Variants in RBFOX1 observed in about 807,000 individuals in gnomAD.
The protein encoded by RBFOX1 is RNA binding protein fox-1 homolog 1.
Under a neutral mutation model 57.7 loss-of-function variants are expected in RBFOX1, and 8 were observed. That is an observed-to-expected ratio of 0.14 (90% CI 0.08 to 0.25). The LOEUF (loss-of-function observed/expected upper bound fraction) is 0.25, where lower values mean the gene tolerates loss of function less well. Among genes scored for constraint, RBFOX1 ranks in the 10% least tolerant of loss-of-function variants. The probability of loss-of-function intolerance (pLI) is 1.00; values close to 1 mark genes in which losing one functional copy is unlikely to be tolerated. For synonymous variants in RBFOX1, 326 were observed against 222.4 expected (o/e 1.47, Z -4.15); for missense variants, 611 against 548.5 (o/e 1.11, Z -1.14).
chr16:7,501,931 T>C (rs1336572606), intron 4 of RBFOX1, among the ~76,000 whole-genome samples: 1 of 152,124 alleles, frequency 6.6e-6, no homozygotes, highest in Non-Finnish European at 1.5e-5. Flanking sequence ...CCCCCAAACA[T>C]AGCACAGTCC....
At chr16:7,516,230 A>G (rs769706790) in intron 4 of RBFOX1, among the ~76,000 whole-genome samples, 3 of 152,058 alleles carry the variant, frequency 2.0e-5, no homozygotes, top group Admixed American at 2.0e-4. Flanking sequence ...CCCCAAAACT[A>G]CAGCAAAATC....
At chr16:5,757,257 G>A (rs757516714) in intron 3 of RBFOX1, among the ~76,000 whole-genome samples, 1 of 147,504 alleles carries the variant, frequency 6.8e-6, no homozygotes, top group Non-Finnish European at 1.5e-5. Context: ...TTTGGAGATG[G>A]AGTGTCACTC....
intron 3 of RBFOX1, among the ~76,000 whole-genome samples, chr16:6,939,761 C>T (rs1317864447): frequency 3.9e-5 from 6 of 152,174 alleles, no homozygotes; most frequent in South Asian, 2.1e-4. Flanking sequence ...ATCAGCCTGC[C>T]TTGGCCTACC....
Position 6,621,800 on chromosome 16 carries a change from A to G in RBFOX1, c.-63-32803A>G, listed in dbSNP as rs933337065. ...GAAGGACATGTGGCAACCCCAGATA[A>G]AGAACATACCATTTAAAGACCACAC... On this transcript the variant is annotated intron_variant, in intron 2 of 15. Transcript: ENST00000550418. Among the ~76,000 whole-genome samples the G allele has an allele frequency of 2.0e-5, 3 of 152,296 alleles. No individual in the cohort carries two copies. The South Asian group carries it at 6.2e-4, about 32-fold the overall frequency.
rs377125909 is a variant in RBFOX1, at chr16:7,574,242, T to C, written c.271-5535T>C. 2.0e-5 allele frequency among the ~76,000 whole-genome samples: 3 copies of C among 152,254 alleles called. No individual in the cohort carries two copies. In the East Asian group the frequency reaches 5.8e-4, roughly 29 times the overall value. On this transcript the variant is annotated intron_variant, in intron 5 of 15. Coordinates refer to ENST00000550418, the MANE Select transcript of RBFOX1 (RefSeq NM_018723.4). ...TCGAAGGCCACTGGGGAGAGTGGGC[T>C]GGAGAGAGGAAGACTTAAGTGTTCT...
chr16:5,945,190 C>T (rs2059376812), intron 4 of RBFOX1, among the ~76,000 whole-genome samples: 1 of 152,062 alleles, frequency 6.6e-6, no homozygotes. Context: ...ACAGGCTGAC[C>T]ACATGCCAGG....
chr16:6,569,688 T>A (rs1387266029), intron 2 of RBFOX1, among the ~76,000 whole-genome samples: 1 of 152,188 alleles, frequency 6.6e-6, no homozygotes, highest in East Asian at 1.9e-4. Context: ...ATCCTGTGAG[T>A]ACCTTGACAA....
At chr16:5,698,679 A>G (rs936269942) in intron 3 of RBFOX1, among the ~76,000 whole-genome samples, 1 of 152,216 alleles carries the variant, frequency 6.6e-6, no homozygotes, top group African/African-American at 2.4e-5. Context: ...CACCAGGGCC[A>G]AAAGTTGGAA....
chr16:6,021,234 G>A (rs1426749025), intron 1 of RBFOX1, among the ~76,000 whole-genome samples: 1 of 152,150 alleles, frequency 6.6e-6, no homozygotes, highest in East Asian at 1.9e-4. Flanking sequence ...ACTCCGTTGT[G>A]CAGAGAGGCC....
At chr16:6,875,943 A>T (rs117697482) in intron 3 of RBFOX1, among the ~76,000 whole-genome samples, 1,844 of 152,254 alleles carry the variant, frequency 0.012, 23 homozygotes, top group Non-Finnish European at 0.02. Context: ...GGTTGCAGTG[A>T]GCTGCAATTA....
At chr16:6,737,780 G>T (rs2070812493) in intron 3 of RBFOX1, among the ~76,000 whole-genome samples, 1 of 152,064 alleles carries the variant, frequency 6.6e-6, no homozygotes, top group African/African-American at 2.4e-5. Context: ...TAAGAGGAAA[G>T]GTATCTTATA....
chr16:7,394,509 A>G (rs935225978), intron 4 of RBFOX1, among the ~76,000 whole-genome samples: 1 of 152,084 alleles, frequency 6.6e-6, no homozygotes, highest in African/African-American at 2.4e-5. Context: ...ACACCTTTAG[A>G]TGCATAGGCA....
At chr16:7,326,408 G>A (rs1012020350) in intron 4 of RBFOX1, among the ~76,000 whole-genome samples, 3 of 152,114 alleles carry the variant, frequency 2.0e-5, no homozygotes, top group Non-Finnish European at 4.4e-5. Flanking sequence ...CAGTTTTACT[G>A]GGGGGATAAT....
chr16:7,503,835 A>G (rs1343871524), intron 4 of RBFOX1, among the ~76,000 whole-genome samples: 2 of 152,120 alleles, frequency 1.3e-5, no homozygotes, highest in East Asian at 1.9e-4. Flanking sequence ...CCATACAAGT[A>G]TATCTGTGAC....
chr16:6,403,637 G>A (rs368229428), intron 2 of RBFOX1, among the ~76,000 whole-genome samples: 3 of 152,234 alleles, frequency 2.0e-5, no homozygotes, highest in Admixed American at 6.5e-5. Context: ...TTGTAGCCAT[G>A]AGCCACCGTG....
chr16:6,878,963 G>C (rs918264009), intron 3 of RBFOX1, among the ~76,000 whole-genome samples: 8 of 152,076 alleles, frequency 5.3e-5, no homozygotes, highest in African/African-American at 1.7e-4. Context: ...TTAAAACTGA[G>C]ATAAATAAAA....
chr16:5,813,919 A>C (rs77738131), intron 3 of RBFOX1, among the ~76,000 whole-genome samples: 4 of 152,214 alleles, frequency 2.6e-5, no homozygotes, highest in Admixed American at 6.5e-5. Flanking sequence ...AAATTTTAGG[A>C]TTGGCTTATC....
intron 2 of RBFOX1, among the ~76,000 whole-genome samples, chr16:6,472,516 C>G (rs887517064): frequency 1.3e-5 from 2 of 152,170 alleles, no homozygotes; most frequent in African/African-American, 4.8e-5. Context: ...TGACATACTG[C>G]TGACATCTGT....
rs115069063 is a variant in RBFOX1, at chr16:6,386,629, C to T, written c.-64+69572C>T. ...AAGATGTCTGTAAAAGAAACCATTG[C>T]GTCCCAAAGAGAGAAAAGAAGTTCT... On this transcript the variant is annotated intron_variant, in intron 2 of 15. Coordinates refer to ENST00000550418, the MANE Select transcript of RBFOX1 (RefSeq NM_018723.4). 8.6e-3 allele frequency among the ~76,000 whole-genome samples: 1,302 copies of T among 152,270 alleles called. 16 individuals are homozygous for T. The highest frequency in any genetic ancestry group is 0.029 in the African/African-American group (1,210 of 41,544).
Sources: allele counts gnomAD v4.1 joint callset (sites outside exome capture counted in the v4.1 genomes callset), GRCh38; gene constraint gnomAD v4.1.1; transcripts MANE v1.5; gene names NCBI Gene and HGNC (gene_info 2026-07-23, HGNC 2026-07-21).